TYW1: variants seen among roughly 807,000 people sequenced by gnomAD.
The protein encoded by TYW1 is tRNA-yW synthesizing protein 1 homolog.
A neutral mutation model predicts 96.2 loss-of-function variants in TYW1; 46 were observed. The ratio of observed to expected loss-of-function variants is 0.48; its 90% CI spans 0.38 to 0.61. The LOEUF (loss-of-function observed/expected upper bound fraction) is 0.61. TYW1 is among the 20% of genes least tolerant of loss of function. The probability of loss-of-function intolerance (pLI) is 0.00; values close to 1 mark genes in which losing one functional copy is unlikely to be tolerated. For missense variants in TYW1, 684 were observed against 909.6 expected, an observed-to-expected ratio of 0.75 and a Z score of 3.19; for synonymous variants, 274 against 323.0, an observed-to-expected ratio of 0.85 and a Z score of 1.63.
intron 13 of TYW1, among the ~76,000 whole-genome samples, chr7:67,159,476 CAT>C (rs1473675622): frequency 6.6e-6 from 1 of 152,114 alleles, no homozygotes; most frequent in African/African-American, 2.4e-5. Flanking sequence ...TAAACAATAA[CAT>C]ATATGTCTGA....
chr7:67,094,393 T>C (rs1796822361), intron 11 of TYW1, among the ~76,000 whole-genome samples: 1 of 152,254 alleles, frequency 6.6e-6, no homozygotes, highest in African/African-American at 2.4e-5. Context: ...GGTTGGATGG[T>C]AGTTCTATTT....
At chr7:67,065,435 G>T (rs114089648) in intron 9 of TYW1, among the ~76,000 whole-genome samples, 1 of 152,150 alleles carries the variant, frequency 6.6e-6, no homozygotes, top group African/African-American at 2.4e-5. Context: ...CTTCAGCTTT[G>T]TTTCTCTAGT....
At chr7:67,095,339 C>G (rs1011492350) in intron 11 of TYW1, among the ~76,000 whole-genome samples, 2 of 151,994 alleles carry the variant, frequency 1.3e-5, no homozygotes, top group Admixed American at 6.6e-5. Flanking sequence ...TTCTCCTGCC[C>G]AGCCCACTGC....
At chr7:67,163,825 C>T (rs1349129657) in intron 13 of TYW1, among the ~76,000 whole-genome samples, 2 of 152,136 alleles carry the variant, frequency 1.3e-5, no homozygotes, top group African/African-American at 4.8e-5. Context: ...TGCGCTACCA[C>T]GTCCAGCTAA....
chr7:67,152,386 G>A (rs1798830085), intron 13 of TYW1, among the ~76,000 whole-genome samples: 1 of 152,018 alleles, frequency 6.6e-6, no homozygotes, highest in South Asian at 2.1e-4. Context: ...CTCACCATCA[G>A]TTTCCTCTTG....
At chr7:67,169,217 TAAG>T (rs958617200) in intron 13 of TYW1, among the ~76,000 whole-genome samples, 1 of 152,200 alleles carries the variant, frequency 6.6e-6, no homozygotes, top group Non-Finnish European at 1.5e-5. Flanking sequence ...ATTTTAAAAT[TAAG>T]AAATAATTTA....
At chr7:67,138,879 A>G (rs1228733394) in intron 13 of TYW1, among the ~76,000 whole-genome samples, 1 of 151,590 alleles carries the variant, frequency 6.6e-6, no homozygotes, top group African/African-American at 2.4e-5. Flanking sequence ...TTCATCTGCC[A>G]TTGGATACTT....
intron 12 of TYW1, among the ~76,000 whole-genome samples, chr7:67,113,062 G>A (rs1797473956): frequency 6.6e-6 from 1 of 152,012 alleles, no homozygotes; most frequent in Non-Finnish European, 1.5e-5. Flanking sequence ...TTCTTCTTTG[G>A]ACATCCGTGG....
intron 13 of TYW1, among the ~76,000 whole-genome samples, chr7:67,121,067 G>T (rs1797744646): frequency 6.6e-6 from 1 of 152,182 alleles, no homozygotes; most frequent in Admixed American, 6.6e-5. Flanking sequence ...AAGATCTGTG[G>T]CAGGATGCTG....
intron 15 of TYW1, 144 bp downstream of exon 15, chr7:67,195,481 A>G (rs1800363671): frequency 8.1e-7 from 1 of 1,241,246 alleles, no homozygotes; most frequent in South Asian, 1.4e-5. Flanking sequence ...AGAGAGCACT[A>G]AATTCTGTCT....
intron 12 of TYW1, among the ~76,000 whole-genome samples, chr7:67,111,481 G>C (rs13246021): frequency 6.6e-5 from 10 of 152,114 alleles, no homozygotes; most frequent in Admixed American, 6.5e-5. Context: ...GATTACAGGC[G>C]TGAGCCAACA....
chr7:67,167,857 C>T (rs1799394796), intron 13 of TYW1, among the ~76,000 whole-genome samples: 1 of 151,922 alleles, frequency 6.6e-6, no homozygotes, highest in Non-Finnish European at 1.5e-5. Flanking sequence ...TGAGTTCAAG[C>T]GATTCTCCTG....
chr7:67,101,008 C>T (rs375111177), intron 12 of TYW1, among the ~76,000 whole-genome samples: 3 of 152,020 alleles, frequency 2.0e-5, no homozygotes, highest in Admixed American at 2.0e-4. Context: ...GGATTCAGGG[C>T]GGGTGAGTTT....
intron 8 of TYW1, among the ~76,000 whole-genome samples, chr7:67,051,551 A>G (rs1795354723): frequency 6.6e-6 from 1 of 152,114 alleles, no homozygotes; most frequent in Admixed American, 6.6e-5. Flanking sequence ...ATCTAACCCA[A>G]TCAAAACATC....
chr7:67,126,417 A>G (rs1797915260), intron 13 of TYW1, among the ~76,000 whole-genome samples: 1 of 152,066 alleles, frequency 6.6e-6, no homozygotes, highest in South Asian at 2.1e-4. Context: ...GTGTTCTCCC[A>G]GTCTGTAGCT....
At chr7:67,200,925 T>C (rs1327977337) in intron 15 of TYW1, among the ~76,000 whole-genome samples, 3 of 151,886 alleles carry the variant, frequency 2.0e-5, no homozygotes, top group Non-Finnish European at 4.4e-5. Context: ...CACAAGTAGT[T>C]TGGGATGGCT....
At chr7:67,066,870 C>T (rs1003163299) in intron 9 of TYW1, among the ~76,000 whole-genome samples, 2 of 152,180 alleles carry the variant, frequency 1.3e-5, no homozygotes, top group Non-Finnish European at 2.9e-5. Context: ...AGGAACAACA[C>T]TCCAGGATGC....
chr7:67,167,243 T>G (rs2116244552), intron 13 of TYW1, among the ~76,000 whole-genome samples: 1 of 151,570 alleles, frequency 6.6e-6, no homozygotes, highest in African/African-American at 2.4e-5. Context: ...GCCGAGGCGG[T>G]TGGATCATGA....
chr7:67,079,244 T>C (rs553374012), intron 10 of TYW1, among the ~76,000 whole-genome samples: 6 of 152,196 alleles, frequency 3.9e-5, no homozygotes, highest in South Asian at 2.1e-4. Context: ...TCTGGCCATG[T>C]ACTTTTTTCT....
Sources: gnomAD v4.1 joint callset for allele counts (sites outside exome capture counted in the v4.1 genomes callset) on GRCh38, gnomAD v4.1.1 for gene constraint, MANE v1.5 for transcripts, NCBI Gene and HGNC (gene_info 2026-07-23, HGNC 2026-07-21) for gene names.